IPMK: variants seen among roughly 807,000 people sequenced by gnomAD.
IPMK encodes the protein inositol 1,3,4,6-tetrakisphosphate 5-kinase.
In IPMK, 17 loss-of-function variants were observed where a neutral mutation model predicts 45.8. The ratio of observed to expected loss-of-function variants is 0.37; its 90% CI spans 0.25 to 0.56. IPMK has a LOEUF of 0.56. Ranked by LOEUF, IPMK falls within the 20% of genes least tolerant of loss-of-function variation. The pLI is 0.79. For synonymous variants in IPMK, 180 were observed against 184.3 expected, an observed-to-expected ratio of 0.98 and a Z score of 0.19; for missense variants, 399 against 498.0, an observed-to-expected ratio of 0.80 and a Z score of 1.89.
intron 4 of IPMK, among the ~76,000 whole-genome samples, chr10:58,215,664 C>T (rs1174049888): frequency 1.3e-5 from 2 of 152,154 alleles, no homozygotes; most frequent in African/African-American, 4.8e-5. Context: ...CCCACCTCAG[C>T]CTCCTGAAAT....
chr10:58,242,409 G>A (rs754043660), intron 1 of IPMK, among the ~76,000 whole-genome samples: 143 of 148,538 alleles, frequency 9.6e-4, no homozygotes, highest in Non-Finnish European at 4.6e-4. Flanking sequence ...GCAGCGAGTC[G>A]CGATTGTGCC....
At chr10:58,240,863 G>C (rs979142582) in intron 1 of IPMK, among the ~76,000 whole-genome samples, 6 of 152,146 alleles carry the variant, frequency 3.9e-5, no homozygotes, top group Admixed American at 3.9e-4. Context: ...TCAAGAAAAA[G>C]ACTGGAGAGA....
intron 1 of IPMK, among the ~76,000 whole-genome samples, chr10:58,261,445 A>C (rs1839065587): frequency 6.6e-6 from 1 of 152,016 alleles, no homozygotes; most frequent in South Asian, 2.1e-4. Flanking sequence ...TATATAATCA[A>C]ACAAACAAAA....
chr10:58,228,161 C>A (rs1298445316), intron 2 of IPMK, among the ~76,000 whole-genome samples: 1 of 152,252 alleles, frequency 6.6e-6, no homozygotes, highest in African/African-American at 2.4e-5. Context: ...TCCCTCTATT[C>A]CTAGCACAAT....
chr10:58,256,878 CA>C (rs1386121384), intron 1 of IPMK, among the ~76,000 whole-genome samples: 2 of 152,262 alleles, frequency 1.3e-5, no homozygotes. Context: ...GCCTCGGCAA[CA>C]TAGTGAGATC....
At chr10:58,232,261 T>G (rs1007352614) in intron 2 of IPMK, among the ~76,000 whole-genome samples, 7 of 152,166 alleles carry the variant, frequency 4.6e-5, no homozygotes, top group African/African-American at 1.7e-4. Context: ...CTGTCAATAT[T>G]AAGACATATC....
intron 1 of IPMK, 97 bp downstream of exon 1, chr10:58,267,325 G>A: frequency 2.5e-6 from 3 of 1,199,390 alleles, no homozygotes; most frequent in Non-Finnish European, 3.7e-6. Context: ...CACCAGGGGG[G>A]CGTCCAGGCA....
chr10:58,227,882 C>T (rs1161143024), intron 2 of IPMK, among the ~76,000 whole-genome samples: 1 of 152,058 alleles, frequency 6.6e-6, no homozygotes, highest in Non-Finnish European at 1.5e-5. Flanking sequence ...TATTCTCTAC[C>T]TAATTATCTA....
At chr10:58,225,090 T>C (rs1398478449) in intron 3 of IPMK, among the ~76,000 whole-genome samples, 3 of 152,206 alleles carry the variant, frequency 2.0e-5, no homozygotes, top group Non-Finnish European at 1.5e-5. Context: ...CACTCTGTTA[T>C]CATATACACT....
intron 3 of IPMK, among the ~76,000 whole-genome samples, chr10:58,220,258 G>C (rs1007321855): frequency 7.2e-5 from 11 of 152,190 alleles, no homozygotes; most frequent in Non-Finnish European, 1.6e-4. Context: ...TATGCAGAGA[G>C]AGATCTCCCT....
Position 58,199,202 on chromosome 10 carries a change from C to T in IPMK, c.628+38G>A, listed in dbSNP as rs911875103. 3 of 1,261,098 alleles carry T rather than the reference C, an allele frequency of 2.4e-6. No individual in the cohort carries two copies. The African/African-American group carries it at 4.5e-5, about 19-fold the overall frequency. 78.1% of individuals were successfully genotyped at this position (1,261,098 alleles called of 1,614,324 possible). On this transcript the variant is annotated intron_variant, in intron 5 of 5. Transcript: ENST00000373935. ...TGAAATAACTTTAGAAGTCTTTTAA[C>T]TGTTCAATCATAAAAGCATTAGTTT...
At chr10:58,254,527 C>T (rs2790227) in intron 1 of IPMK, among the ~76,000 whole-genome samples, 51,451 of 151,972 alleles carry the variant, frequency 0.34, 10,955 homozygotes, top group African/African-American at 0.61. Context: ...TTTCAAAAAT[C>T]TTGTAGATCT....
At chr10:58,263,126 C>T (rs1049482455) in intron 1 of IPMK, among the ~76,000 whole-genome samples, 14 of 152,204 alleles carry the variant, frequency 9.2e-5, no homozygotes, top group African/African-American at 3.4e-4. Flanking sequence ...TGACTCATTC[C>T]TGTAATCCTA....
At position 58,199,283 on chromosome 10, in the gene IPMK, G is replaced by T. The variant is rs1357499859; in HGVS notation, c.585C>A (p.Asn195Lys). 1.9e-6 allele frequency: 3 copies of T among 1,608,928 alleles called. No individual in the cohort carries two copies. The African/African-American group carries it at 4.0e-5, about 22-fold the overall frequency. ...TTGTTAAGCTTCTTCCGTAATGCTG[G>T]TTTTCTGTCTCATAGCTATCGGAAT... ...HVHSDSYETE[N>K]QHYGRSLTKE... is the part of the protein sequence containing the mutation. Residue 195 changes from asparagine (N) to lysine (K), a missense_variant, in exon 5 of 6, where the codon AAC becomes AAA. Coordinates refer to ENST00000373935, the MANE Select transcript of IPMK (RefSeq NM_152230.5).
rs1767582513 is a variant in IPMK, at chr10:58,199,324, G to A, written c.547-3C>T. 1 of 1,590,982 alleles carries A rather than the reference G, an allele frequency of 6.3e-7. No homozygotes were observed. ...CTATCGGAATGAACATGATAAACCT[G>A]TCAAAAAAAGCAGTGAATATTAAAA... is the stretch of plus-strand genomic sequence containing the variant. On this transcript the variant is annotated splice_region_variant and splice_polypyrimidine_tract_variant and intron_variant, in intron 4 of 5. Transcript: ENST00000373935.
chr10:58,207,301 C>T (rs191517808), intron 4 of IPMK, among the ~76,000 whole-genome samples: 266 of 152,362 alleles, frequency 1.7e-3, no homozygotes, highest in Middle Eastern at 0.01. Context: ...TTTCTTTATC[C>T]ATTCATTGGT....
intron 1 of IPMK, among the ~76,000 whole-genome samples, chr10:58,259,671 T>TAAAAAAAA (rs560813021): frequency 4.6e-4 from 40 of 86,664 alleles, no homozygotes; most frequent in East Asian, 1.4e-3. Context: ...CATCTCTACA[T>TAAAAAAAA]AAAAAAAAAA....
At chr10:58,259,569 A>G (rs1485486682) in intron 1 of IPMK, among the ~76,000 whole-genome samples, 1 of 151,826 alleles carries the variant, frequency 6.6e-6, no homozygotes, top group African/African-American at 2.4e-5. Flanking sequence ...AGAATGGCTC[A>G]CGCCTATAAT....
chr10:58,245,611 CA>C (rs35191082), intron 1 of IPMK, among the ~76,000 whole-genome samples: 180 of 124,618 alleles, frequency 1.4e-3, no homozygotes, highest in Non-Finnish European at 1.8e-3. Flanking sequence ...GACTCTGTCT[CA>C]AAAAAAAAAA....
Sources: gnomAD v4.1 joint callset for allele counts (sites outside exome capture counted in the v4.1 genomes callset) on GRCh38, gnomAD v4.1.1 for gene constraint, MANE v1.5 for transcripts, NCBI Gene and HGNC (gene_info 2026-07-23, HGNC 2026-07-21) for gene names.